Variants in PROX1 observed in about 807,000 individuals in gnomAD.
PROX1 encodes the protein prospero homeobox protein 1.
In PROX1, 7 loss-of-function variants were observed where a neutral mutation model predicts 58.8. That is an observed-to-expected ratio of 0.12 (90% CI 0.07 to 0.22). The LOEUF is 0.22. Among genes scored for constraint, PROX1 ranks in the 10% least tolerant of loss-of-function variants. The pLI, the probability that PROX1 is intolerant of heterozygous loss-of-function variation, is 1.00. For missense variants in PROX1, 675 were observed against 927.8 expected, an observed-to-expected ratio of 0.73 and a Z score of 3.54; for synonymous variants, 350 against 358.3, an observed-to-expected ratio of 0.98 and a Z score of 0.26.
At chr1:214,035,501 TAA>T in intron 4 of PROX1, 146 bp from the exon 5 acceptor site, 1 of 704,340 alleles carries the variant, frequency 1.4e-6, no homozygotes. Context: ...GACTTTACAT[TAA>T]AAGAATAGAA....
intron 1 of PROX1, 23 bp downstream of exon 1, chr1:213,988,506 C>G (rs1178564432): frequency 1.3e-5 from 2 of 152,500 alleles, no homozygotes; most frequent in Admixed American, 6.5e-5. Flanking sequence ...TTCTTCCCCT[C>G]GTGAGTCCCT....
chr1:214,018,093 G>A (rs961499071), intron 4 of PROX1, among the ~76,000 whole-genome samples: 2 of 152,214 alleles, frequency 1.3e-5, no homozygotes, highest in East Asian at 1.9e-4. Context: ...TGTTTATTTC[G>A]CCTAGATGAA....
upstream of PROX1, chr1:213,984,666 A>G (rs1281301205): frequency 6.5e-6 from 1 of 152,812 alleles, no homozygotes; most frequent in Admixed American, 6.5e-5. Flanking sequence ...TGCAGCAGGC[A>G]GGCCTGCACC....
intron 4 of PROX1, among the ~76,000 whole-genome samples, chr1:214,017,009 A>G (rs1242743045): frequency 6.6e-6 from 1 of 152,180 alleles, no homozygotes; most frequent in Non-Finnish European, 1.5e-5. Context: ...CTTTCTCAAC[A>G]TTCTTAAAGA....
At chr1:214,011,804 G>C (rs909970774) in intron 4 of PROX1, 89 bp downstream of exon 4, 2 of 1,210,832 alleles carry the variant, frequency 1.7e-6, no homozygotes, top group African/African-American at 3.1e-5. Flanking sequence ...ATCTGTTTTT[G>C]TGTTGGTTTC....
At chr1:214,034,124 A>T (rs755809936) in intron 4 of PROX1, among the ~76,000 whole-genome samples, 23 of 152,200 alleles carry the variant, frequency 1.5e-4, no homozygotes, top group Non-Finnish European at 2.2e-4. Context: ...CAGAGTTATT[A>T]CATTTCTTTA....
intron 3 of PROX1, among the ~76,000 whole-genome samples, chr1:214,009,438 C>G (rs879729422): frequency 7.9e-5 from 12 of 152,136 alleles, no homozygotes; most frequent in Admixed American, 7.9e-4. Flanking sequence ...TTTTTCTCCC[C>G]CAGTGTGAAT....
chr1:213,998,677 A>G lies in PROX1; in HGVS notation c.1725+417A>G, dbSNP rs1183004076. 4.6e-5 allele frequency among the ~76,000 whole-genome samples: 7 copies of G among 152,322 alleles called. No individual in the cohort carries two copies. The East Asian group carries it at 9.6e-4, about 21-fold the overall frequency. The stretch of plus-strand genomic sequence containing the variant: ...TTTTAAAGATGGTAAGTTTAATAGA[A>G]TAAGGAGAAAAGTCAGTTTTCAGAT... On this transcript the variant is annotated intron_variant, in intron 2 of 4. Coordinates refer to ENST00000366958, the MANE Select transcript of PROX1 (RefSeq NM_001270616.2).
In PROX1 at chr1:214,038,117, T is replaced by A. The variant is rs1340405950; in HGVS notation, c.*2283T>A. 6.6e-6 allele frequency: 1 copy of A among 152,172 alleles called. No homozygotes were observed. Among genetic ancestry groups the A allele is most frequent in the Non-Finnish European group, 1.5e-5 (1 of 68,020 alleles). 9.4% of individuals were successfully genotyped at this position (152,172 alleles called of 1,614,324 possible). ...TATTATTTTCCCCTCCCTTTCTAAT[T>A]TAAATAGACAAATTAAGCAAAAGTG... On this transcript the variant is annotated 3_prime_UTR_variant, in exon 5 of 5. Transcript: ENST00000366958.
chr1:213,993,040 T>C (rs1279163574), intron 1 of PROX1, among the ~76,000 whole-genome samples: 1 of 152,192 alleles, frequency 6.6e-6, no homozygotes, highest in African/African-American at 2.4e-5. Context: ...TTTATTCTTC[T>C]AATATCTTTT....
chr1:213,998,673 T>C (rs996115166), intron 2 of PROX1, among the ~76,000 whole-genome samples: 3 of 152,200 alleles, frequency 2.0e-5, no homozygotes, highest in African/African-American at 7.2e-5. Flanking sequence ...GTAAGTTTAA[T>C]AGAATAAGGA....
intron 3 of PROX1, among the ~76,000 whole-genome samples, chr1:214,008,533 G>T (rs113613577): frequency 8.4e-4 from 128 of 152,266 alleles, no homozygotes; most frequent in African/African-American, 2.7e-3. Context: ...AGCTAGATGG[G>T]GTAAATCCTC....
chr1:214,038,616 T>A lies in PROX1; in HGVS notation c.*2782T>A, dbSNP rs1431543085. On this transcript the variant is annotated 3_prime_UTR_variant, in exon 5 of 5. Coordinates refer to ENST00000366958, the MANE Select transcript of PROX1 (RefSeq NM_001270616.2). ...TTTGCGTATACGCTTGAGGTTATAG[T>A]CTGTGCCTAGACCTAAAATGCACCA... The A allele has an allele frequency of 1.3e-5, 2 of 152,204 alleles. No homozygotes were observed. Among genetic ancestry groups the A allele is most frequent in the Non-Finnish European group, 2.9e-5 (2 of 68,016 alleles). 9.4% of individuals were successfully genotyped at this position (152,204 alleles called of 1,614,324 possible). A position where few individuals can be genotyped will look rare whatever the true frequency, so the allele number is the denominator to read the frequency against.
At chr1:214,014,152 C>T (rs535996864) in intron 4 of PROX1, among the ~76,000 whole-genome samples, 2 of 152,290 alleles carry the variant, frequency 1.3e-5, no homozygotes, top group East Asian at 1.9e-4. Flanking sequence ...AAAAAGCCAC[C>T]GTTCTTATCG....
intron 3 of PROX1, among the ~76,000 whole-genome samples, chr1:214,005,930 C>G (rs931849459): frequency 6.6e-6 from 1 of 151,076 alleles, no homozygotes; most frequent in East Asian, 1.9e-4. Context: ...CTGGTTCTCT[C>G]TGTGTGTGTA....
chr1:214,025,605 T>C (rs1664423481), intron 4 of PROX1, among the ~76,000 whole-genome samples: 1 of 151,952 alleles, frequency 6.6e-6, no homozygotes, highest in Admixed American at 6.5e-5. Flanking sequence ...TTCTCTTCTG[T>C]GGGACATGAA....
intron 1 of PROX1, among the ~76,000 whole-genome samples, chr1:213,991,298 A>G (rs1663026777): frequency 3.3e-5 from 5 of 152,300 alleles, no homozygotes; most frequent in African/African-American, 1.2e-4. Flanking sequence ...TTGCACAGGA[A>G]TAGGTTGGTT....
At chr1:214,035,501 TA>T in intron 4 of PROX1, 147 bp from the exon 5 acceptor site, 2 of 704,340 alleles carry the variant, frequency 2.8e-6, no homozygotes, top group Non-Finnish European at 4.5e-6. Context: ...GACTTTACAT[TA>T]AAAGAATAGA....
At chr1:214,019,894 G>C (rs1286432806) in intron 4 of PROX1, among the ~76,000 whole-genome samples, 1 of 152,056 alleles carries the variant, frequency 6.6e-6, no homozygotes, top group Non-Finnish European at 1.5e-5. Flanking sequence ...TCATCTTCCT[G>C]GTTCTTCCCC....
Sources: allele counts gnomAD v4.1 joint callset (sites outside exome capture counted in the v4.1 genomes callset), GRCh38; gene constraint gnomAD v4.1.1; transcripts MANE v1.5; gene names NCBI Gene and HGNC (gene_info 2026-07-23, HGNC 2026-07-21).